The following DPYD variants were observed in gnomAD, a reference collection of about 807,000 sequenced individuals.
DPYD encodes the protein dihydropyrimidine dehydrogenase [NADP(+)].
In DPYD, 109 loss-of-function variants were observed where a neutral mutation model predicts 116.2. The observed-to-expected ratio is 0.94, with a 90% CI of 0.80 to 1.10. The LOEUF is 1.10. Among genes scored for constraint, DPYD ranks in the 50% least tolerant of loss-of-function variants. DPYD has a pLI of 0.00. For missense variants in DPYD, 1,302 were observed against 1,254.5 expected, an observed-to-expected ratio of 1.04 and a Z score of -0.57; for synonymous variants, 440 against 432.0, an observed-to-expected ratio of 1.02 and a Z score of -0.23.
intron 4 of DPYD, among the ~76,000 whole-genome samples, chr1:97,722,756 TTTA>T (rs1400773254): frequency 1.3e-5 from 2 of 151,520 alleles, no homozygotes; most frequent in Admixed American, 1.3e-4. Flanking sequence ...ACATTTACTA[TTTA>T]TTGACTCTTT....
chr1:97,499,802 A>G (rs1679474660), intron 13 of DPYD, among the ~76,000 whole-genome samples: 1 of 151,982 alleles, frequency 6.6e-6, no homozygotes, highest in African/African-American at 2.4e-5. Context: ...AAGTTTTTCA[A>G]GTTTTATTTA....
At chr1:97,193,547 T>G (rs1658538239) in intron 19 of DPYD, among the ~76,000 whole-genome samples, 1 of 152,206 alleles carries the variant, frequency 6.6e-6, no homozygotes, top group African/African-American at 2.4e-5. Context: ...GTTTATTATA[T>G]GTCAGGCTTA....
chr1:97,436,563 A>C (rs1454361125), intron 14 of DPYD, among the ~76,000 whole-genome samples: 1 of 151,982 alleles, frequency 6.6e-6, no homozygotes, highest in African/African-American at 2.4e-5. Context: ...GACAAATTAC[A>C]AAATGAAGGG....
intron 13 of DPYD, among the ~76,000 whole-genome samples, chr1:97,465,290 T>C (rs940872167): frequency 2.6e-5 from 4 of 152,204 alleles, no homozygotes; most frequent in African/African-American, 9.6e-5. Flanking sequence ...TTGCCTTGTA[T>C]TGGATGAGAC....
chr1:97,206,668 A>AAAATC (rs1659641111), intron 19 of DPYD, among the ~76,000 whole-genome samples: 1 of 118,684 alleles, frequency 8.4e-6, no homozygotes, highest in East Asian at 2.3e-4. Context: ...ATATATATAT[A>AAAATC]TATATATATA....
chr1:97,679,293 T>A, intron 7 of DPYD, 111 bp from the exon 8 acceptor site: 1 of 599,062 alleles, frequency 1.7e-6, no homozygotes, highest in South Asian at 2.2e-5. Context: ...TGAGATTCCA[T>A]ATAAAATGTG....
At chr1:97,515,698 CT>C (rs1172758423) in intron 13 of DPYD, 27 bp downstream of exon 13, 5 of 1,591,748 alleles carry the variant, frequency 3.1e-6, no homozygotes, top group Non-Finnish European at 4.3e-6. Flanking sequence ...ATAGACATTT[CT>C]ATATGACTTC....
Position 97,462,315 on chromosome 1 carries a change from C to A in DPYD, c.1741-12092G>T, listed in dbSNP as rs1386702309. The stretch of plus-strand genomic sequence containing the variant: ...TTCTGAGATAATACACTTCTCAGTT[C>A]ATCCTTCAGAAGACAATATGATATG... On this transcript the variant is annotated intron_variant, in intron 13 of 22. Transcript: ENST00000370192. 2.0e-5 allele frequency among the ~76,000 whole-genome samples: 3 copies of A among 152,204 alleles called. No individual in the cohort carries two copies. The East Asian group carries it at 5.8e-4, about 29-fold the overall frequency.
intron 12 of DPYD, among the ~76,000 whole-genome samples, chr1:97,520,000 T>C (rs1449957504): frequency 1.3e-5 from 2 of 152,184 alleles, no homozygotes; most frequent in Non-Finnish European, 1.5e-5. Flanking sequence ...TATGTTTAAG[T>C]ATTAAAATGC....
At chr1:97,425,326 T>G (rs1674802148) in intron 14 of DPYD, among the ~76,000 whole-genome samples, 1 of 152,074 alleles carries the variant, frequency 6.6e-6, no homozygotes, top group African/African-American at 2.4e-5. Flanking sequence ...TTAGAATCTT[T>G]CGGTAGAAAA....
intron 3 of DPYD, among the ~76,000 whole-genome samples, chr1:97,785,663 T>C (rs1010005206): frequency 2.8e-4 from 43 of 151,502 alleles, no homozygotes; most frequent in African/African-American, 9.9e-4. Context: ...TATCTTTTTT[T>C]CTTTTGGGCC....
At chr1:97,630,611 A>G (rs1380981448) in intron 8 of DPYD, among the ~76,000 whole-genome samples, 1 of 152,138 alleles carries the variant, frequency 6.6e-6, no homozygotes, top group East Asian at 1.9e-4. Flanking sequence ...TCTCAGCTGT[A>G]GCATTGACTT....
chr1:97,160,519 C>T lies in DPYD; in HGVS notation c.2622+32550G>A, dbSNP rs190967510. Among the ~76,000 whole-genome samples the T allele has an allele frequency of 2.6e-4, 39 of 152,036 alleles. No homozygotes were observed. The South Asian group carries it at 5.8e-3, about 23-fold the overall frequency. On this transcript the variant is annotated intron_variant, in intron 20 of 22. Coordinates refer to ENST00000370192, the MANE Select transcript of DPYD (RefSeq NM_000110.4). ...TTTGAAGGCCAAGTAAGGGGGTGTT[C>T]GATGATGAGAGATAAGCAACTCTTT...
intron 14 of DPYD, among the ~76,000 whole-genome samples, chr1:97,410,146 G>A (rs1339357052): frequency 1.3e-5 from 2 of 150,020 alleles, no homozygotes; most frequent in Non-Finnish European, 3.0e-5. Flanking sequence ...ATTTTCCATA[G>A]AACTTTCTAT....
At chr1:97,714,655 C>CAAAAAAAAAAAAAAAAAAA (rs1193831747) in intron 5 of DPYD, among the ~76,000 whole-genome samples, 1 of 49,926 alleles carries the variant, frequency 2.0e-5, no homozygotes, top group African/African-American at 7.2e-5. Context: ...AAAGAAAAGA[C>CAAAAAAAAAAAAAAAAAAA]AAAAAAAAAA....
intron 20 of DPYD, among the ~76,000 whole-genome samples, chr1:97,120,598 T>C (rs1292545715): frequency 1.3e-5 from 2 of 152,172 alleles, no homozygotes; most frequent in Non-Finnish European, 2.9e-5. Flanking sequence ...AAAAATCCTA[T>C]GCCACGACTT....
At chr1:97,212,209 T>C (rs1660078683) in intron 19 of DPYD, among the ~76,000 whole-genome samples, 1 of 152,134 alleles carries the variant, frequency 6.6e-6, no homozygotes, top group Non-Finnish European at 1.5e-5. Flanking sequence ...TTGCATCCTT[T>C]AGCAGCCACT....
intron 20 of DPYD, among the ~76,000 whole-genome samples, chr1:97,192,732 G>C (rs1658461364): frequency 6.6e-6 from 1 of 152,158 alleles, no homozygotes; most frequent in African/African-American, 2.4e-5. Context: ...GAAAGGTAAT[G>C]TTATAATTTC....
At chr1:97,626,047 C>G (rs2100781906) in intron 8 of DPYD, among the ~76,000 whole-genome samples, 1 of 152,082 alleles carries the variant, frequency 6.6e-6, no homozygotes, top group South Asian at 2.1e-4. Context: ...CCTCTTGGAC[C>G]TACTAGACTA....
Sources: gnomAD v4.1 joint callset for allele counts (sites outside exome capture counted in the v4.1 genomes callset) on GRCh38, gnomAD v4.1.1 for gene constraint, MANE v1.5 for transcripts, NCBI Gene and HGNC (gene_info 2026-07-23, HGNC 2026-07-21) for gene names.